SLC10A2: variants seen among roughly 807,000 people sequenced by gnomAD.
The protein encoded by SLC10A2 is ileal sodium/bile acid cotransporter.
SLC10A2 carries 34 observed loss-of-function variants against 27.1 expected under a neutral mutation model. The observed-to-expected ratio is 1.26, with a 90% CI of 0.96 to 1.67. The LOEUF is 1.67. Among genes scored for constraint, SLC10A2 ranks in the 40% most tolerant of loss-of-function variants. The pLI is 0.00. For synonymous variants in SLC10A2, 205 were observed against 174.0 expected (o/e 1.18, Z -1.40); for missense variants, 530 against 444.4 (o/e 1.19, Z -1.73).
chr13:103,051,306 A>T lies in SLC10A2; in HGVS notation c.712T>A (p.Tyr238Asn). ...CTAGCCAGAAGAAACCCCAGGGAGT[A>T]ACCCGCCACAGGAAATATTGTTCCT... The part of the protein sequence containing the change: ...IIGTIFPVAG[Y>N]SLGFLLARIA... The change falls in exon 4 of 6, where the codon TAC becomes AAC. Residue 238 changes from tyrosine to asparagine, a missense_variant. By Grantham distance (143) the Tyr-to-Asn change is moderately radical (BLOSUM62 -2). Coordinates refer to ENST00000245312, the MANE Select transcript of SLC10A2 (RefSeq NM_000452.3). 1 of 1,614,166 alleles carries T rather than the reference A, an allele frequency of 6.2e-7. No homozygotes were observed. Among genetic ancestry groups the T allele is most frequent in the Non-Finnish European group, 8.5e-7 (1 of 1,180,016 alleles).
chr13:103,060,431 C>A (rs1170667962), intron 1 of SLC10A2, among the ~76,000 whole-genome samples: 1 of 148,280 alleles, frequency 6.7e-6, no homozygotes, highest in South Asian at 2.1e-4. Flanking sequence ...GTCACCCAGG[C>A]CAGAGTACAG....
At chr13:103,060,087 C>G (rs1277690999) in intron 1 of SLC10A2, among the ~76,000 whole-genome samples, 1 of 152,158 alleles carries the variant, frequency 6.6e-6, no homozygotes, top group Non-Finnish European at 1.5e-5. Flanking sequence ...GATGCTATCT[C>G]TAGTACTAGG....
At position 103,065,940 on chromosome 13, in the gene SLC10A2, C is replaced by T. The variant is rs917585499; in HGVS notation, c.310G>A (p.Gly104Arg). Residue 104 changes from glycine to arginine, a missense_variant, in exon 1 of 6, where the codon GGA becomes AGA. Physicochemically the swap from Gly to Arg is moderately radical, Grantham distance 125. Transcript: ENST00000245312. ...GAGGCAGTTCCTCCAGGGCAGCATC[C>T]TATAATGAGCACCACTACGGCCTGG... ...PLQAVVVLIIGCCPGGTASNI... is the reference protein window; with the variant it reads ...PLQAVVVLIIRCCPGGTASNI... 1 of 1,614,178 alleles carries T rather than the reference C, an allele frequency of 6.2e-7. No homozygotes were observed. The highest frequency in any genetic ancestry group is 1.3e-5 in the African/African-American group (1 of 75,048).
intron 1 of SLC10A2, among the ~76,000 whole-genome samples, chr13:103,062,551 A>G (rs1021268261): frequency 2.6e-5 from 4 of 152,226 alleles, no homozygotes; most frequent in African/African-American, 9.6e-5. Flanking sequence ...TTTAGGGAGA[A>G]TAAAGGAAAA....
chr13:103,049,536 C>T, intron 4 of SLC10A2, 90 bp from the exon 5 acceptor site: 3 of 1,281,896 alleles, frequency 2.3e-6, no homozygotes, highest in Middle Eastern at 1.9e-4. Context: ...CATATATATG[C>T]ATTATGTCTC....
At chr13:103,055,357 G>A (rs1440657715) in intron 2 of SLC10A2, among the ~76,000 whole-genome samples, 2 of 152,174 alleles carry the variant, frequency 1.3e-5, no homozygotes, top group Non-Finnish European at 2.9e-5. Flanking sequence ...CCAGATGTCA[G>A]CATCTGAGGG....
At position 103,051,354 on chromosome 13, in the gene SLC10A2, T is replaced by G. The variant is rs771718271; in HGVS notation, c.664A>C (p.Ile222Leu). ...GGILYQSAWI[I>L]APKLWIIGTI... ...CCTATAATCCACAGTTTGGGAGCAA[T>G]GATCCAGGCGCTTTGGTACAATATT... The change falls in exon 4 of 6, where the codon ATT (isoleucine) becomes CTT (leucine). Residue 222 changes from isoleucine to leucine, a missense_variant. Ile to Leu is a conservative substitution (Grantham distance 5). Coordinates refer to ENST00000245312, the MANE Select transcript of SLC10A2 (RefSeq NM_000452.3). The G allele has an allele frequency of 1.9e-6, 3 of 1,614,014 alleles. No homozygotes were observed. In the Admixed American group the frequency reaches 5.0e-5, roughly 27 times the overall value.
rs147726304 is a variant in SLC10A2 at position 103,051,503 on chromosome 13, C to A, written c.586-71G>T. The A allele has an allele frequency of 1.1e-4, 173 of 1,525,578 alleles. 1 individual carries two copies. The African/African-American group carries it at 1.6e-3, about 14-fold the overall frequency. The allele number at this position is 1,525,578 out of a possible 1,614,324, so 94.5% of individuals were successfully genotyped here. On this transcript the variant is annotated intron_variant, in intron 3 of 5. Transcript: ENST00000245312. The stretch of plus-strand genomic sequence containing the variant: ...CAAATCCAAGTATGTTTGTCAGAGA[C>A]AAAACCTCAGCAGTCTCCTTGTCCC...
chr13:103,053,244 C>T (rs576512018), intron 2 of SLC10A2, among the ~76,000 whole-genome samples: 6 of 152,090 alleles, frequency 3.9e-5, no homozygotes, highest in African/African-American at 1.4e-4. Flanking sequence ...TCAAGATCAC[C>T]AGGTATTCTG....
intron 4 of SLC10A2, 88 bp from the exon 5 acceptor site, chr13:103,049,534 TG>T (rs1249707378): frequency 7.6e-7 from 1 of 1,316,028 alleles, no homozygotes; most frequent in Non-Finnish European, 1.1e-6. Flanking sequence ...TACATATATA[TG>T]CATTATGTCT....
intron 2 of SLC10A2, among the ~76,000 whole-genome samples, chr13:103,057,405 GAC>G (rs1437093106): frequency 6.6e-6 from 1 of 152,160 alleles, no homozygotes; most frequent in African/African-American, 2.4e-5. Flanking sequence ...GGTGAAATGA[GAC>G]AGAGTCATTA....
chr13:103,057,112 C>G (rs1875960142), intron 2 of SLC10A2, among the ~76,000 whole-genome samples: 1 of 152,136 alleles, frequency 6.6e-6, no homozygotes, highest in African/African-American at 2.4e-5. Context: ...AATGGGAAAC[C>G]CACACCTTTC....
chr13:103,060,381 ATTTTT>A (rs33930404), intron 1 of SLC10A2, among the ~76,000 whole-genome samples: 24 of 131,512 alleles, frequency 1.8e-4, no homozygotes, highest in East Asian at 2.2e-4. Context: ...TGCTACTACC[ATTTTT>A]TTTTTTTTTT....
chr13:103,053,720 A>C (rs1447897937), intron 2 of SLC10A2, among the ~76,000 whole-genome samples: 3 of 152,224 alleles, frequency 2.0e-5, no homozygotes, highest in Non-Finnish European at 4.4e-5. Context: ...ATATTAATTT[A>C]AAGTGAATGC....
intron 1 of SLC10A2, among the ~76,000 whole-genome samples, chr13:103,064,917 A>C (rs969309498): frequency 1.3e-5 from 2 of 152,224 alleles, no homozygotes; most frequent in Admixed American, 6.5e-5. Flanking sequence ...CTATCAATCC[A>C]GTGTTTACAA....
rs1426445119 is a variant in SLC10A2 at position 103,050,162 on chromosome 13, ATTGTT to A, written c.762-721_762-717del. Among the ~76,000 whole-genome samples the A allele has an allele frequency of 9.2e-5, 14 of 152,288 alleles. No individual in the cohort carries two copies. The East Asian group carries it at 2.7e-3, about 29-fold the overall frequency. ...AGACCCTGTCTCATAAAAATAAAAAATTGTTGTGTTTAAATCTTGACAGAAAGTCT... is the reference window on the plus strand; with the variant it reads ...AGACCCTGTCTCATAAAAATAAAAAAGTGTTTAAATCTTGACAGAAAGTCT... On this transcript the variant is annotated intron_variant, in intron 4 of 5. Coordinates refer to ENST00000245312, the MANE Select transcript of SLC10A2 (RefSeq NM_000452.3).
At chr13:103,051,502 A>G (rs1875781931) in intron 3 of SLC10A2, 70 bp from the exon 4 acceptor site, 1 of 1,526,458 alleles carries the variant, frequency 6.6e-7, no homozygotes, top group Non-Finnish European at 9.0e-7. Flanking sequence ...TTTGTCAGAG[A>G]CAAAACCTCA....
At chr13:103,053,613 G>C (rs1287612206) in intron 2 of SLC10A2, among the ~76,000 whole-genome samples, 1 of 152,112 alleles carries the variant, frequency 6.6e-6, no homozygotes, top group Non-Finnish European at 1.5e-5. Flanking sequence ...AAGTGATATT[G>C]AACGGTGAAA....
chr13:103,060,813 T>C (rs1435274873), intron 1 of SLC10A2, among the ~76,000 whole-genome samples: 1 of 151,964 alleles, frequency 6.6e-6, no homozygotes, highest in Admixed American at 6.6e-5. Context: ...TTGTCAAGAG[T>C]AGTAATTTCT....
Sources: allele counts gnomAD v4.1 joint callset (sites outside exome capture counted in the v4.1 genomes callset), GRCh38; gene constraint gnomAD v4.1.1; transcripts MANE v1.5; gene names NCBI Gene and HGNC (gene_info 2026-07-23, HGNC 2026-07-21).